Variants in GARIN3 observed in about 807,000 individuals in gnomAD.
GARIN3 encodes the protein Golgi-associated RAB2 interactor protein 3.
chr5:157,163,490 C>T, the GARIN3 span: 6 of 1,614,100 alleles, frequency 3.7e-6, no homozygotes, highest in African/African-American at 5.3e-5. Flanking sequence ...GCTCCTCCTT[C>T]AGCAGCCCCT....
the GARIN3 span, chr5:157,165,891 G>C: frequency 5.0e-6 from 8 of 1,614,036 alleles, no homozygotes; most frequent in Admixed American, 1.2e-4. Context: ...ACAGATTTTA[G>C]TTGGTTGGGC....
At chr5:157,162,934 G>A in the GARIN3 span, 1 of 1,614,186 alleles carries the variant, frequency 6.2e-7, no homozygotes, top group Non-Finnish European at 8.5e-7. Flanking sequence ...GCGGTGATGA[G>A]AACTTTTCCT....
chr5:157,165,850 T>G, the GARIN3 span: 2 of 1,614,124 alleles, frequency 1.2e-6, no homozygotes, highest in Non-Finnish European at 1.7e-6. Flanking sequence ...CCTCTCCCCT[T>G]GGCAAACCGG....
the GARIN3 span, chr5:157,163,242 A>G: frequency 6.2e-7 from 1 of 1,614,122 alleles, no homozygotes. Context: ...AGGCCAAGCT[A>G]ATACCCTCTG....
At chr5:157,166,019 A>G in the GARIN3 span, 2 of 1,614,176 alleles carry the variant, frequency 1.2e-6, no homozygotes, top group Non-Finnish European at 1.7e-6. Context: ...TCTGAATAAA[A>G]TTACTCTCGA....
chr5:157,165,156 C>T, the GARIN3 span, among the ~76,000 whole-genome samples: 1 of 152,168 alleles, frequency 6.6e-6, no homozygotes, highest in African/African-American at 2.4e-5. Context: ...ACTAAAAGCC[C>T]AGACTTCACC....
chr5:157,162,895 G>A, the GARIN3 span: 312 of 1,614,054 alleles, frequency 1.9e-4, 7 homozygotes, highest in South Asian at 2.5e-3. Flanking sequence ...CTTGTCCCCC[G>A]CTCTCCTGCG....
the GARIN3 span, chr5:157,162,668 T>C: frequency 6.8e-6 from 11 of 1,614,132 alleles, no homozygotes; most frequent in Middle Eastern, 6.6e-4. Flanking sequence ...GAGCTGATCT[T>C]ACTGGCTTTC....
At chr5:157,164,801 A>C in the GARIN3 span, among the ~76,000 whole-genome samples, 19 of 152,282 alleles carry the variant, frequency 1.2e-4, no homozygotes, top group Middle Eastern at 3.4e-3. Flanking sequence ...CATTGTTAAA[A>C]ATATGGCACA....
the GARIN3 span, chr5:157,162,148 C>G: frequency 4.9e-6 from 2 of 408,862 alleles, no homozygotes; most frequent in South Asian, 3.5e-5. Context: ...TTGACAGTCT[C>G]GGGGAAGCAA....
the GARIN3 span, chr5:157,163,612 T>C: frequency 6.2e-7 from 1 of 1,613,980 alleles, no homozygotes; most frequent in South Asian, 1.1e-5. Flanking sequence ...ACAAGGCTTG[T>C]AGAGCCCAGT....
At chr5:157,162,389 G>A in the GARIN3 span, 1 of 1,547,428 alleles carries the variant, frequency 6.5e-7, no homozygotes, top group South Asian at 1.3e-5. Context: ...AGAAAGCTGG[G>A]ATGGGCTCCT....
chr5:157,162,901 CTGCGGTGACTTTCACCTGCCT>C, the GARIN3 span: 2 of 1,614,190 alleles, frequency 1.2e-6, no homozygotes, highest in Admixed American at 3.3e-5. Flanking sequence ...CCCCGCTCTC[CTGCGGTGACTTTCACCTGCCT>C]TGCGGTGATG....
At chr5:157,163,770 C>A in the GARIN3 span, 3 of 1,416,716 alleles carry the variant, frequency 2.1e-6, no homozygotes, top group East Asian at 2.3e-5. Context: ...ATTAGAAGAA[C>A]CTGGGTCGGG....
the GARIN3 span, chr5:157,162,214 G>T: frequency 1.7e-6 from 1 of 593,374 alleles, no homozygotes; most frequent in East Asian, 3.0e-5. Flanking sequence ...GTGGGCGGGT[G>T]GTGGAGCTCT....
the GARIN3 span, chr5:157,162,245 C>T: frequency 2.7e-6 from 2 of 749,302 alleles, no homozygotes; most frequent in East Asian, 5.5e-5. Context: ...AGGCTGGGGT[C>T]TCCAGCTGTA....
At chr5:157,165,417 G>T in the GARIN3 span, 8 of 1,280,942 alleles carry the variant, frequency 6.2e-6, no homozygotes, top group East Asian at 1.6e-4. Flanking sequence ...AAGTCCCCTA[G>T]TAGTGGCTCA....
the GARIN3 span, chr5:157,162,571 A>G: frequency 6.2e-7 from 1 of 1,614,044 alleles, no homozygotes; most frequent in Non-Finnish European, 8.5e-7. Context: ...TTGCTTCTCC[A>G]CCATCTTAGC....
chr5:157,163,569 A>G, the GARIN3 span: 1 of 1,614,130 alleles, frequency 6.2e-7, no homozygotes, highest in South Asian at 1.1e-5. Flanking sequence ...CCTCTCCCCC[A>G]GCATAAGCAG....
Sources: allele counts gnomAD v4.1 joint callset (sites outside exome capture counted in the v4.1 genomes callset), GRCh38; gene constraint gnomAD v4.1.1; transcripts MANE v1.5; gene names NCBI Gene and HGNC (gene_info 2026-07-23, HGNC 2026-07-21).